The following SASH1 variants were observed in gnomAD, a reference collection of about 807,000 sequenced individuals.
The protein encoded by SASH1 is SAM and SH3 domain-containing protein 1.
SASH1 carries 44 observed loss-of-function variants against 125.2 expected under a neutral mutation model. The ratio of observed to expected loss-of-function variants is 0.35; its 90% confidence interval spans 0.28 to 0.45. The LOEUF (loss-of-function observed/expected upper bound fraction) is 0.45. Among genes scored for constraint, SASH1 ranks in the 20% least tolerant of loss-of-function variants. The pLI is 1.00. For synonymous variants in SASH1, 639 were observed against 649.1 expected, an observed-to-expected ratio of 0.98 and a Z score of 0.24; for missense variants, 1,426 against 1,614.5, an observed-to-expected ratio of 0.88 and a Z score of 2.00.
chr6:148,317,248 A>G (rs962192250), intron 1 of SASH1, among the ~76,000 whole-genome samples: 1 of 152,202 alleles, frequency 6.6e-6, no homozygotes, highest in Non-Finnish European at 1.5e-5. Flanking sequence ...GAACCCTTGC[A>G]TGCGTAAGCC....
Position 148,543,807 on chromosome 6 carries a change from G to A in SASH1, c.2337G>A (p.Lys779=), listed in dbSNP as rs1393582860. The part of the protein sequence containing the change: ...LPLMKSGDAL[K]QGQEEGRLGG... Reference sequence around the variant, plus strand: ...TAATGAAATCAGGGGATGCACTGAAGCAGGGACAGGAGGAGGGCAGGCTGG... The same window carrying A: ...TAATGAAATCAGGGGATGCACTGAAACAGGGACAGGAGGAGGGCAGGCTGG... The change falls in exon 18 of 20, where the codon AAG becomes AAA. Residue 779 remains lysine, a synonymous_variant. Coordinates refer to ENST00000367467, the MANE Select transcript of SASH1 (RefSeq NM_015278.5). The A allele has an allele frequency of 6.2e-7, 1 of 1,614,184 alleles. No individual in the cohort carries two copies. Among genetic ancestry groups the A allele is most frequent in the South Asian group, 1.1e-5 (1 of 91,076 alleles).
intron 1 of SASH1, among the ~76,000 whole-genome samples, chr6:148,316,553 A>AATGCATCT (rs1260395205): frequency 1.3e-5 from 2 of 152,244 alleles, no homozygotes; most frequent in African/African-American, 4.8e-5. Context: ...GCTTGCCCAG[A>AATGCATCT]ATGCATCTAT....
chr6:148,387,905 A>ATTTTTTTTTTTTT (rs71004291), intron 1 of SASH1, among the ~76,000 whole-genome samples: 1 of 53,964 alleles, frequency 1.9e-5, no homozygotes, highest in Non-Finnish European at 3.2e-5. Context: ...CGCCCTGCTA[A>ATTTTTTTTTTTTT]TTTTTTTTTT....
At chr6:148,200,036 A>G in the SASH1 span, among the ~76,000 whole-genome samples, 1 of 152,202 alleles carries the variant, frequency 6.6e-6, no homozygotes, top group African/African-American at 2.4e-5. Flanking sequence ...ATGGAATTGT[A>G]TTTTAAGTGA....
intron 1 of SASH1, among the ~76,000 whole-genome samples, chr6:148,374,727 C>T (rs1281589406): frequency 3.3e-5 from 5 of 151,436 alleles, no homozygotes; most frequent in Non-Finnish European, 7.4e-5. Context: ...GATGGAGTCT[C>T]ACTCTTGTCA....
rs188691655 is a variant in SASH1, at chr6:148,474,028, C to G, written c.515-82C>G. The G allele has an allele frequency of 2.9e-3, 2,503 of 874,308 alleles. 4 individuals carry two copies. Among genetic ancestry groups the G allele is most frequent in the Non-Finnish European group, 4.2e-3 (2,271 of 534,360 alleles). 54.2% of individuals were successfully genotyped at this position (874,308 alleles called of 1,614,324 possible). On this transcript the variant is annotated intron_variant, in intron 6 of 19. Transcript: ENST00000367467. ...TCCTGAGCAACATTCTTCTCTAGCC[C>G]GAGACAGCAGATGTTCCGCATTGAC...
chr6:148,281,359 A>C (rs1156860182), intron 1 of SASH1, among the ~76,000 whole-genome samples: 1 of 152,120 alleles, frequency 6.6e-6, no homozygotes, highest in Non-Finnish European at 1.5e-5. Flanking sequence ...TAAGGGTCAG[A>C]TGGACTAGAA....
intron 8 of SASH1, among the ~76,000 whole-genome samples, chr6:148,494,682 T>C (rs151175439): frequency 3.9e-5 from 6 of 152,304 alleles, no homozygotes; most frequent in African/African-American, 1.4e-4. Context: ...TGTGGGCTTG[T>C]GGCCTTATAA....
chr6:148,534,887 T>C lies in SASH1; in HGVS notation c.2081T>C (p.Leu694Ser). ...RAVLLTAVELLQEYDSNSDQS... is the reference protein window; with the variant it reads ...RAVLLTAVELSQEYDSNSDQS... ...GTTCTCTTGACAGCAGTGGAGCTGT[T>C]ACAAGAGTATGACAGTAAGTCCCTG... Residue 694 changes from leucine to serine, a missense_variant, in exon 16 of 20, where the codon TTA (leucine) becomes TCA (serine). Leu to Ser is a moderately radical substitution (Grantham distance 145). Around this residue, in one of 3 missense-constraint regions of SASH1, gnomAD observed 225 missense variants for 344.5 expected, o/e 0.65. Transcript: ENST00000367467. 1.2e-6 allele frequency: 2 copies of C among 1,614,090 alleles called. No individual in the cohort carries two copies. Among genetic ancestry groups the C allele is most frequent in the Non-Finnish European group, 1.7e-6 (2 of 1,179,936 alleles).
intron 1 of SASH1, among the ~76,000 whole-genome samples, chr6:148,360,371 A>T (rs9485285): frequency 6.8e-6 from 1 of 146,828 alleles, no homozygotes; most frequent in Admixed American, 6.9e-5. Context: ...TTTTCGAGAC[A>T]GAGTCTTGCT....
At chr6:148,368,770 G>GCACACCCACACACACACA in intron 1 of SASH1, among the ~76,000 whole-genome samples, 1 of 135,732 alleles carries the variant, frequency 7.4e-6, no homozygotes, top group African/African-American at 2.7e-5. Context: ...GCACGCGCGC[G>GCACACCCACACACACACA]CACACACACA....
At chr6:148,279,243 G>T (rs1025899674) in intron 1 of SASH1, among the ~76,000 whole-genome samples, 1 of 151,996 alleles carries the variant, frequency 6.6e-6, no homozygotes, top group Non-Finnish European at 1.5e-5. Flanking sequence ...CGCCTACCTC[G>T]GCCCCCAAAA....
At chr6:148,302,837 TATATATAC>T (rs1192191083) in intron 1 of SASH1, among the ~76,000 whole-genome samples, 4 of 103,432 alleles carry the variant, frequency 3.9e-5, no homozygotes, top group African/African-American at 7.2e-5. Flanking sequence ...TATATATATA[TATATATAC>T]ACACACACAC....
Position 148,532,697 on chromosome 6 carries a change from T to G in SASH1, c.1565-100T>G. On this transcript the variant is annotated intron_variant, in intron 13 of 19. Transcript: ENST00000367467. This position sits in a 1 kb window ranked among gnomAD's most constrained non-coding sequence, Gnocchi z 4.7. ...GTTGTGGCTCAAGGCTTCCTTTCTC[T>G]GGGCCTTCATTTCCTAATCTGCCAT... 7.2e-7 allele frequency: 1 copy of G among 1,391,352 alleles called. No homozygotes were observed. The highest frequency in any genetic ancestry group is 9.9e-7 in the Non-Finnish European group (1 of 1,005,146). The allele number at this position is 1,391,352 out of a possible 1,614,324, so 86.2% of individuals were successfully genotyped here.
At chr6:148,203,840 A>G in the SASH1 span, among the ~76,000 whole-genome samples, 1 of 152,234 alleles carries the variant, frequency 6.6e-6, no homozygotes, top group African/African-American at 2.4e-5. Flanking sequence ...CTTTATTAAT[A>G]TCACAAAAGC....
chr6:148,387,564 TTCTCTTTC>T (rs1783439862), intron 1 of SASH1, among the ~76,000 whole-genome samples: 2 of 142,272 alleles, frequency 1.4e-5, no homozygotes, highest in Non-Finnish European at 3.1e-5. Flanking sequence ...TTTCTTTCTT[TTCTCTTTC>T]TTTCTTTCTT....
chr6:148,340,026 A>T (rs1781275395), upstream of SASH1, among the ~76,000 whole-genome samples: 1 of 152,218 alleles, frequency 6.6e-6, no homozygotes, highest in Admixed American at 6.5e-5. Flanking sequence ...TGAGTCAAGA[A>T]GAAAATGATT....
chr6:148,541,881 T>A (rs907849394), intron 17 of SASH1, among the ~76,000 whole-genome samples: 3 of 152,320 alleles, frequency 2.0e-5, no homozygotes, highest in African/African-American at 7.2e-5. Flanking sequence ...CTCCCCAAAC[T>A]ATATATAATA....
At position 148,529,235 on chromosome 6, in the gene SASH1, G is replaced by T. The variant is rs1216836870; in HGVS notation, c.1428+1639G>T. 6.6e-6 allele frequency among the ~76,000 whole-genome samples: 1 copy of T among 152,158 alleles called. No individual in the cohort carries two copies. The highest frequency in any genetic ancestry group is 2.4e-5 in the African/African-American group (1 of 41,446). On this transcript the variant is annotated intron_variant, in intron 12 of 19. Coordinates refer to ENST00000367467, the MANE Select transcript of SASH1 (RefSeq NM_015278.5). This position sits in a 1 kb window ranked among gnomAD's most constrained non-coding sequence, Gnocchi z 4.2. ...GGGAGTTGGAGAATGCTGATCTAGAGGATAGAGGCCAGGGACGCTGCCAAA... is the reference window on the plus strand; with the variant it reads ...GGGAGTTGGAGAATGCTGATCTAGATGATAGAGGCCAGGGACGCTGCCAAA...
Sources: gnomAD v4.1 joint callset for allele counts (sites outside exome capture counted in the v4.1 genomes callset) on GRCh38, gnomAD v4.1.1 for gene constraint, gnomAD v4.1.1 regional missense constraint, Gnocchi (gnomAD v3.1) non-coding constraint, MANE v1.5 for transcripts, NCBI Gene and HGNC (gene_info 2026-07-23, HGNC 2026-07-21) for gene names.